PKNOX2: variants seen among roughly 807,000 people sequenced by gnomAD.
PKNOX2 encodes the protein homeobox protein PKNOX2.
PKNOX2 carries 14 observed loss-of-function variants against 53.1 expected under a neutral mutation model. The observed-to-expected ratio is 0.26, with a 90% confidence interval of 0.17 to 0.41. PKNOX2 has a LOEUF of 0.41. Among genes scored for constraint, PKNOX2 ranks in the 10% least tolerant of loss-of-function variants. The pLI is 1.00. For synonymous variants in PKNOX2, 257 were observed against 242.8 expected (o/e 1.06, Z -0.54); for missense variants, 496 against 602.8 (o/e 0.82, Z 1.85).
intron 2 of PKNOX2, among the ~76,000 whole-genome samples, chr11:125,300,449 A>G (rs191865919): frequency 1.3e-4 from 20 of 152,326 alleles, no homozygotes; most frequent in African/African-American, 4.1e-4. Flanking sequence ...AGCTTCCCAC[A>G]GTTCTCCAGC....
At chr11:125,416,050 TCCC>T (rs1419727480) in intron 10 of PKNOX2, among the ~76,000 whole-genome samples, 3 of 152,082 alleles carry the variant, frequency 2.0e-5, no homozygotes, top group Non-Finnish European at 4.4e-5. Context: ...ACGCCTGTAA[TCCC>T]AGCACTTTGG....
intron 2 of PKNOX2, among the ~76,000 whole-genome samples, chr11:125,241,648 A>G (rs1432346037): frequency 6.6e-6 from 1 of 152,214 alleles, no homozygotes; most frequent in Non-Finnish European, 1.5e-5. Flanking sequence ...CGAGGTCAGG[A>G]GTTCGAGACC....
chr11:125,397,849 G>A lies in PKNOX2; in HGVS notation c.400-25G>A, dbSNP rs780257426. The stretch of plus-strand genomic sequence containing the variant: ...AGGGAAATGGGATGCAAACACCTGG[G>A]CTCACCTCTCCTCCCTCTCCACAGA... On this transcript the variant is annotated intron_variant, in intron 6 of 12. Transcript: ENST00000298282. 6.3e-6 allele frequency: 10 copies of A among 1,589,642 alleles called. No individual in the cohort carries two copies. The East Asian group carries it at 6.7e-5, about 11-fold the overall frequency.
At chr11:125,223,349 C>T (rs745555664) in intron 1 of PKNOX2, among the ~76,000 whole-genome samples, 1 of 152,072 alleles carries the variant, frequency 6.6e-6, no homozygotes, top group Admixed American at 6.5e-5. Flanking sequence ...CCTGCCTCAG[C>T]GTCCTGAGCA....
intron 2 of PKNOX2, among the ~76,000 whole-genome samples, chr11:125,328,503 C>T (rs1304779840): frequency 2.7e-5 from 4 of 150,068 alleles, no homozygotes; most frequent in African/African-American, 1.0e-4. Flanking sequence ...CAATTTGTAC[C>T]TTCCCAGGTA....
intron 3 of PKNOX2, among the ~76,000 whole-genome samples, chr11:125,340,997 C>T (rs1950653169): frequency 1.4e-5 from 2 of 145,692 alleles, no homozygotes; most frequent in Admixed American, 1.4e-4. Context: ...TTGCAGTGAG[C>T]CAAGATCACA....
intron 1 of PKNOX2, among the ~76,000 whole-genome samples, chr11:125,174,393 G>A (rs910144382): frequency 6.6e-6 from 1 of 152,096 alleles, no homozygotes; most frequent in Non-Finnish European, 1.5e-5. Context: ...ATGTGAAATT[G>A]AGAACAAGCT....
chr11:125,201,175 C>T (rs1479600872), intron 1 of PKNOX2, among the ~76,000 whole-genome samples: 47 of 152,130 alleles, frequency 3.1e-4, no homozygotes, highest in Non-Finnish European at 1.5e-5. Context: ...ACCCAGATTG[C>T]TGCTTGGTTA....
At chr11:125,282,161 G>T (rs985734092) in intron 2 of PKNOX2, among the ~76,000 whole-genome samples, 1 of 152,220 alleles carries the variant, frequency 6.6e-6, no homozygotes, top group African/African-American at 2.4e-5. Context: ...AAGAAAAGCT[G>T]TCTGTCAGCT....
chr11:125,220,984 A>C (rs1272406463), intron 1 of PKNOX2, among the ~76,000 whole-genome samples: 1 of 151,812 alleles, frequency 6.6e-6, no homozygotes, highest in African/African-American at 2.4e-5. Flanking sequence ...TGAAACCCCG[A>C]CTCTACTAGA....
At chr11:125,225,950 G>A (rs1434151689) in intron 1 of PKNOX2, among the ~76,000 whole-genome samples, 1 of 152,110 alleles carries the variant, frequency 6.6e-6, no homozygotes, top group Admixed American at 6.6e-5. Context: ...AAAGCCCAGG[G>A]ATCAACCTGT....
At position 125,322,888 on chromosome 11, in the gene PKNOX2, T is replaced by G. The variant is rs572536503; in HGVS notation, c.-129-8931T>G. Among the ~76,000 whole-genome samples, 3 of 152,318 alleles carry G rather than the reference T, an allele frequency of 2.0e-5. No homozygotes were observed. The East Asian group carries it at 5.8e-4, about 29-fold the overall frequency. On this transcript the variant is annotated intron_variant, in intron 2 of 12. Transcript: ENST00000298282. Reference sequence around the variant, plus strand: ...TACCAGAACTACCAACCTCACAAAGTTACAGTGAAGCATAAACAAAAAGTT... The same window carrying G: ...TACCAGAACTACCAACCTCACAAAGGTACAGTGAAGCATAAACAAAAAGTT...
chr11:125,349,511 G>A (rs552377385), intron 3 of PKNOX2, among the ~76,000 whole-genome samples: 5 of 152,180 alleles, frequency 3.3e-5, no homozygotes, highest in Non-Finnish European at 7.3e-5. Context: ...AGTGACAGGC[G>A]GTGAGGCCGA....
chr11:125,339,312 ACT>A (rs2136144767), intron 3 of PKNOX2, among the ~76,000 whole-genome samples: 1 of 152,280 alleles, frequency 6.6e-6, no homozygotes, highest in Non-Finnish European at 1.5e-5. Context: ...GGAAGAGAAG[ACT>A]CTGAAGTGAA....
chr11:125,315,822 C>A (rs543088209), intron 2 of PKNOX2, among the ~76,000 whole-genome samples: 1 of 152,180 alleles, frequency 6.6e-6, no homozygotes, highest in African/African-American at 2.4e-5. Flanking sequence ...CAGTGCCACC[C>A]CCTACCCGAG....
At chr11:125,403,541 T>G (rs1171061817) in intron 7 of PKNOX2, among the ~76,000 whole-genome samples, 1 of 152,142 alleles carries the variant, frequency 6.6e-6, no homozygotes, top group Non-Finnish European at 1.5e-5. Context: ...CATGATTTTC[T>G]CCATTTTACA....
intron 3 of PKNOX2, among the ~76,000 whole-genome samples, chr11:125,333,987 C>T (rs1003670411): frequency 1.3e-5 from 2 of 152,182 alleles, no homozygotes; most frequent in East Asian, 1.9e-4. Context: ...CTCTCCTGGG[C>T]CTGCCTGCCT....
chr11:125,256,924 C>T (rs1028846260), intron 2 of PKNOX2, among the ~76,000 whole-genome samples: 10 of 151,976 alleles, frequency 6.6e-5, no homozygotes, highest in Non-Finnish European at 1.0e-4. Context: ...TTGAGAATTG[C>T]GAGATAATTA....
intron 4 of PKNOX2, among the ~76,000 whole-genome samples, chr11:125,365,867 G>A (rs965284061): frequency 1.3e-5 from 2 of 152,292 alleles, no homozygotes; most frequent in South Asian, 2.1e-4. Flanking sequence ...TCAGATCCAC[G>A]AACTGAGCTT....
Sources: allele counts gnomAD v4.1 joint callset (sites outside exome capture counted in the v4.1 genomes callset), GRCh38; gene constraint gnomAD v4.1.1; transcripts MANE v1.5; gene names NCBI Gene and HGNC (gene_info 2026-07-23, HGNC 2026-07-21).